GALNTL6: variants seen among roughly 807,000 people sequenced by gnomAD.
GALNTL6 encodes polypeptide N-acetylgalactosaminyltransferase-like 6.
GALNTL6 carries 46 observed loss-of-function variants against 73.7 expected under a neutral mutation model. That is an observed-to-expected ratio of 0.62 (90% CI 0.49 to 0.80). The LOEUF is 0.80. GALNTL6 is among the 30% of genes least tolerant of loss of function. GALNTL6 has a pLI of 0.00. For missense variants in GALNTL6, 604 were observed against 755.0 expected (o/e 0.80, Z 2.34); for synonymous variants, 259 against 263.7 (o/e 0.98, Z 0.17).
chr4:172,800,027 C>T (rs1397899468), intron 5 of GALNTL6, among the ~76,000 whole-genome samples: 1 of 152,078 alleles, frequency 6.6e-6, no homozygotes. Flanking sequence ...ATAAAGAAAA[C>T]CTGTATGATA....
chr4:172,772,414 T>C (rs1738823284), intron 5 of GALNTL6, among the ~76,000 whole-genome samples: 1 of 152,160 alleles, frequency 6.6e-6, no homozygotes, highest in Non-Finnish European at 1.5e-5. Flanking sequence ...GCTTAAAAAA[T>C]AGCTATAGAT....
chr4:172,696,977 G>A (rs996855123), intron 5 of GALNTL6, among the ~76,000 whole-genome samples: 2 of 151,926 alleles, frequency 1.3e-5, no homozygotes, highest in African/African-American at 4.8e-5. Context: ...CTTTTTAATT[G>A]TTTCCTCTGG....
intron 2 of GALNTL6, among the ~76,000 whole-genome samples, chr4:171,894,055 G>T (rs1439530312): frequency 6.8e-6 from 1 of 147,898 alleles, no homozygotes; most frequent in South Asian, 2.1e-4. Flanking sequence ...AAGTTTAGAC[G>T]TGCAGTTGCT....
intron 4 of GALNTL6, among the ~76,000 whole-genome samples, chr4:172,328,461 T>G (rs763556792): frequency 3.6e-4 from 55 of 152,336 alleles, no homozygotes; most frequent in Admixed American, 2.6e-4. Context: ...GAAGTTTTCA[T>G]GAACAACATC....
At chr4:173,032,677 C>T (rs1753521620) in intron 12 of GALNTL6, among the ~76,000 whole-genome samples, 1 of 152,040 alleles carries the variant, frequency 6.6e-6, no homozygotes, top group Non-Finnish European at 1.5e-5. Context: ...AAAGTGAGAC[C>T]CTGTCTCAAA....
At chr4:172,883,753 T>C (rs1745574956) in intron 8 of GALNTL6, among the ~76,000 whole-genome samples, 1 of 152,112 alleles carries the variant, frequency 6.6e-6, no homozygotes, top group Admixed American at 6.5e-5. Context: ...ATTTTTGTAC[T>C]CATTAACCAA....
chr4:172,880,573 G>A (rs1199223165), intron 7 of GALNTL6, among the ~76,000 whole-genome samples: 2 of 152,074 alleles, frequency 1.3e-5, no homozygotes, highest in African/African-American at 4.8e-5. Flanking sequence ...CATTTTCAGT[G>A]ATGGCTGCAC....
rs1753052505 is a variant in GALNTL6 at position 173,022,335 on chromosome 4, T to C, written c.1638+710T>C. ...GTGTGTGTAGAAAGGGGCAAGCTTTTGGCTTCGCTTGTTATATGTGTGGCC... is the reference window on the plus strand; with the variant it reads ...GTGTGTGTAGAAAGGGGCAAGCTTTCGGCTTCGCTTGTTATATGTGTGGCC... On this transcript the variant is annotated intron_variant, in intron 12 of 12. Coordinates refer to ENST00000506823, the MANE Select transcript of GALNTL6 (RefSeq NM_001034845.3). Among the ~76,000 whole-genome samples the C allele has an allele frequency of 2.0e-5, 3 of 152,332 alleles. No homozygotes were observed. The South Asian group carries it at 6.2e-4, about 32-fold the overall frequency.
chr4:172,825,470 C>T (rs182381007), intron 7 of GALNTL6, among the ~76,000 whole-genome samples: 4 of 152,218 alleles, frequency 2.6e-5, no homozygotes, highest in East Asian at 3.9e-4. Flanking sequence ...AGCATGTTAG[C>T]GTGTTTTTCT....
At chr4:172,117,404 C>T (rs961815164) in intron 2 of GALNTL6, among the ~76,000 whole-genome samples, 6 of 152,056 alleles carry the variant, frequency 3.9e-5, no homozygotes, top group African/African-American at 1.2e-4. Flanking sequence ...GTGACAGGCA[C>T]GCTTATAAAG....
intron 3 of GALNTL6, among the ~76,000 whole-genome samples, chr4:172,297,410 T>C (rs1739723112): frequency 6.6e-6 from 1 of 152,166 alleles, no homozygotes; most frequent in Non-Finnish European, 1.5e-5. Context: ...TTTTGGTGTT[T>C]TAGACATGAA....
At chr4:172,817,368 T>C (rs115452739) in intron 7 of GALNTL6, among the ~76,000 whole-genome samples, 44 of 151,880 alleles carry the variant, frequency 2.9e-4, no homozygotes, top group Non-Finnish European at 5.7e-4. Context: ...GAAGTTGAGG[T>C]TTCAGTGAGC....
Position 171,850,113 on chromosome 4 carries a change from G to T in GALNTL6, c.138+35395G>T, listed in dbSNP as rs552120532. ...CCTGAGTAGCTGGAATTACAGGCGCGTGCCAACACACTGGGCTAATTTTTG... is the reference window on the plus strand; with the variant it reads ...CCTGAGTAGCTGGAATTACAGGCGCTTGCCAACACACTGGGCTAATTTTTG... On this transcript the variant is annotated intron_variant, in intron 2 of 12. Transcript: ENST00000506823. 2.6e-5 allele frequency among the ~76,000 whole-genome samples: 4 copies of T among 152,226 alleles called. No homozygotes were observed. The East Asian group carries it at 7.7e-4, about 29-fold the overall frequency.
chr4:171,919,902 A>G (rs1204350170), intron 2 of GALNTL6, among the ~76,000 whole-genome samples: 1 of 152,138 alleles, frequency 6.6e-6, no homozygotes, highest in Non-Finnish European at 1.5e-5. Context: ...CAATCCCATT[A>G]CTGGGTGTAT....
At chr4:172,651,084 A>G (rs1740455126) in intron 5 of GALNTL6, among the ~76,000 whole-genome samples, 2 of 152,168 alleles carry the variant, frequency 1.3e-5, no homozygotes, top group Admixed American at 1.3e-4. Context: ...AACTTAGTCA[A>G]TTTTTAGGCA....
chr4:171,894,849 T>C (rs1736865292), intron 2 of GALNTL6, among the ~76,000 whole-genome samples: 1 of 152,176 alleles, frequency 6.6e-6, no homozygotes, highest in Non-Finnish European at 1.5e-5. Context: ...GACTTTTTTT[T>C]TTCATGGAAA....
chr4:172,623,608 A>G (rs190070090), intron 5 of GALNTL6, among the ~76,000 whole-genome samples: 6 of 152,278 alleles, frequency 3.9e-5, no homozygotes, highest in Admixed American at 2.0e-4. Context: ...GCCAATCAAT[A>G]TCCTTCCATT....
intron 10 of GALNTL6, among the ~76,000 whole-genome samples, chr4:172,987,873 C>T (rs1242446487): frequency 1.3e-5 from 2 of 152,176 alleles, no homozygotes; most frequent in Non-Finnish European, 2.9e-5. Context: ...ACAATTCCTA[C>T]AATACTACAG....
At chr4:172,567,387 A>G (rs1312825472) in intron 5 of GALNTL6, among the ~76,000 whole-genome samples, 3 of 152,152 alleles carry the variant, frequency 2.0e-5, no homozygotes, top group African/African-American at 4.8e-5. Context: ...GAGATAGTCT[A>G]TGATGGAATA....
Sources: allele counts gnomAD v4.1 joint callset (sites outside exome capture counted in the v4.1 genomes callset), GRCh38; gene constraint gnomAD v4.1.1; transcripts MANE v1.5; gene names NCBI Gene and HGNC (gene_info 2026-07-23, HGNC 2026-07-21).